Variants in PTPRU observed in about 807,000 individuals in gnomAD.
The protein encoded by PTPRU is protein tyrosine phosphatase receptor type U.
PTPRU carries 69 observed loss-of-function variants against 166.3 expected under a neutral mutation model. The observed-to-expected ratio is 0.41, with a 90% CI of 0.34 to 0.51. PTPRU has a LOEUF of 0.51. PTPRU is among the 20% of genes least tolerant of loss of function. The probability of loss-of-function intolerance (pLI) is 0.09; values close to 1 mark genes in which losing one functional copy is unlikely to be tolerated. For synonymous variants in PTPRU, 793 were observed against 814.0 expected (o/e 0.97, Z 0.44); for missense variants, 1,657 against 2,013.7 (o/e 0.82, Z 3.39).
At chr1:29,302,318 T>G (rs950661456) in intron 15 of PTPRU, among the ~76,000 whole-genome samples, 1 of 152,192 alleles carries the variant, frequency 6.6e-6, no homozygotes, top group African/African-American at 2.4e-5. Context: ...AAATTCAAAT[T>G]AAAACATTTC....
intron 1 of PTPRU, among the ~76,000 whole-genome samples, chr1:29,241,579 TTTTCTTC>T (rs1684057100): frequency 6.7e-6 from 1 of 149,280 alleles, no homozygotes; most frequent in Non-Finnish European, 1.5e-5. Context: ...TATTTTTTTT[TTTTCTTC>T]TTCTTCTTCT....
intron 25 of PTPRU, among the ~76,000 whole-genome samples, chr1:29,318,728 C>A (rs1344276418): frequency 1.3e-5 from 2 of 152,210 alleles, no homozygotes; most frequent in Non-Finnish European, 2.9e-5. Flanking sequence ...CAGGGACTGG[C>A]CTTTACTGGC....
At chr1:29,251,835 C>T (rs1192840264) in intron 1 of PTPRU, among the ~76,000 whole-genome samples, 1 of 152,170 alleles carries the variant, frequency 6.6e-6, no homozygotes, top group Non-Finnish European at 1.5e-5. Flanking sequence ...TCTGGCAACC[C>T]CTCTACCTCA....
intron 1 of PTPRU, among the ~76,000 whole-genome samples, chr1:29,248,247 C>T (rs1247071248): frequency 6.6e-6 from 1 of 151,978 alleles, no homozygotes; most frequent in African/African-American, 2.4e-5. Flanking sequence ...TGACCTCAGG[C>T]AGGGAGGAGG....
chr1:29,245,303 T>C (rs1259722447), intron 1 of PTPRU, among the ~76,000 whole-genome samples: 1 of 151,852 alleles, frequency 6.6e-6, no homozygotes, highest in African/African-American at 2.4e-5. Flanking sequence ...GTCACTGGGG[T>C]GGAAGATGTT....
At chr1:29,293,082 C>T (rs994081515) in intron 15 of PTPRU, among the ~76,000 whole-genome samples, 1 of 152,144 alleles carries the variant, frequency 6.6e-6, no homozygotes, top group East Asian at 1.9e-4. Context: ...AGGGTTGGAG[C>T]AATTCTCCTG....
At position 29,250,804 on chromosome 1, in the gene PTPRU, G is replaced by A. The variant is rs565985488; in HGVS notation, c.74-4471G>A. ...TCCTAGCTGACCATTCCCATCTCAAGGGACCAGGGGAAGGGGTGAGGGTGG... is the reference window on the plus strand; with the variant it reads ...TCCTAGCTGACCATTCCCATCTCAAAGGACCAGGGGAAGGGGTGAGGGTGG... On this transcript the variant is annotated intron_variant, in intron 1 of 29. Transcript: ENST00000373779. Among the ~76,000 whole-genome samples, 5 of 152,340 alleles carry A rather than the reference G, an allele frequency of 3.3e-5. No individual in the cohort carries two copies. The East Asian group carries it at 9.7e-4, about 29-fold the overall frequency.
intron 1 of PTPRU, among the ~76,000 whole-genome samples, chr1:29,240,129 T>G (rs1574588927): frequency 6.6e-6 from 1 of 152,316 alleles, no homozygotes; most frequent in East Asian, 1.9e-4. Flanking sequence ...TAACTCCAGC[T>G]TTTTGCTGGT....
At chr1:29,249,475 C>CT (rs562198854) in intron 1 of PTPRU, among the ~76,000 whole-genome samples, 34 of 152,366 alleles carry the variant, frequency 2.2e-4, no homozygotes, top group African/African-American at 7.7e-4. Context: ...AATTCACCCT[C>CT]TCAGGGAGGC....
At chr1:29,259,751 G>A in intron 5 of PTPRU, 119 bp from the exon 6 acceptor site, 1 of 1,326,878 alleles carries the variant, frequency 7.5e-7, no homozygotes, top group South Asian at 1.5e-5. Flanking sequence ...TTAGAGCGCG[G>A]CTCCAGGAAC....
chr1:29,286,022 A>G (rs1293837260), intron 14 of PTPRU, among the ~76,000 whole-genome samples: 1 of 152,212 alleles, frequency 6.6e-6, no homozygotes, highest in Non-Finnish European at 1.5e-5. Flanking sequence ...CTGGGCATAC[A>G]TGGATGAGTT....
chr1:29,325,194 C>A lies in PTPRU; in HGVS notation c.4116C>A (p.Asn1372Lys). The A allele has an allele frequency of 1.2e-6, 2 of 1,614,122 alleles. No homozygotes were observed. Among genetic ancestry groups the A allele is most frequent in the Non-Finnish European group, 1.7e-6 (2 of 1,179,978 alleles). The change falls in exon 29 of 30, where the codon AAC (asparagine) becomes AAA (lysine). Residue 1372 changes from asparagine to lysine, a missense_variant. This residue lies in a region of PTPRU where 1,190 missense variants were observed against 1,477.4 expected (regional missense o/e 0.81). Transcript: ENST00000373779. ...GDGRTIVHCL[N>K]GGGRSGTFCA... is the part of the protein sequence containing the mutation. The stretch of plus-strand genomic sequence containing the variant: ...AGCTTTTGCATCTCTCATTCAGAAA[C>A]GGGGGAGGACGCAGCGGCACCTTCT...
intron 1 of PTPRU, among the ~76,000 whole-genome samples, chr1:29,245,850 G>A (rs778834439): frequency 6.6e-6 from 1 of 152,224 alleles, no homozygotes; most frequent in Non-Finnish European, 1.5e-5. Context: ...TTGCATGTTT[G>A]TGTCATAGAG....
chr1:29,325,543 A>G (rs1449740105), intron 29 of PTPRU, 56 bp from the exon 30 acceptor site: 5 of 1,557,986 alleles, frequency 3.2e-6, no homozygotes, highest in Non-Finnish European at 4.4e-6. Context: ...CCCTCCCCCC[A>G]CAATACTGGA....
intron 28 of PTPRU, 75 bp downstream of exon 28, chr1:29,323,863 C>G: frequency 6.5e-7 from 1 of 1,529,288 alleles, no homozygotes. Context: ...TGAAAGGGTG[C>G]CAGCTTTGGC....
At chr1:29,273,647 C>T (rs1685671803) in intron 7 of PTPRU, among the ~76,000 whole-genome samples, 2 of 152,210 alleles carry the variant, frequency 1.3e-5, no homozygotes, top group African/African-American at 4.8e-5. Flanking sequence ...CAGCGATTCT[C>T]CTGCCTGGGC....
chr1:29,259,585 T>TTTGGG, intron 5 of PTPRU, 21 bp downstream of exon 5: 3 of 360,780 alleles, frequency 8.3e-6, no homozygotes, highest in Non-Finnish European at 1.1e-5. Context: ...GCGGTGATCT[T>TTTGGG]GGCTGGGGGC....
intron 2 of PTPRU, among the ~76,000 whole-genome samples, chr1:29,255,814 G>A (rs1325699263): frequency 6.6e-6 from 1 of 152,144 alleles, no homozygotes; most frequent in Non-Finnish European, 1.5e-5. Context: ...AGTAACACTG[G>A]GACTAGATGT....
Position 29,326,090 on chromosome 1 carries a change from G to T in PTPRU, c.*429G>T. On this transcript the variant is annotated 3_prime_UTR_variant, in exon 30 of 30. Transcript: ENST00000373779. Reference sequence around the variant, plus strand: ...ACTCAGCCTGCCCCCTCTGCATGTGGGTAGAGGATGTACTGGGACTTGGCA... The same window carrying T: ...ACTCAGCCTGCCCCCTCTGCATGTGTGTAGAGGATGTACTGGGACTTGGCA... The T allele has an allele frequency of 2.5e-6, 1 of 397,876 alleles. No individual in the cohort carries two copies. The highest frequency in any genetic ancestry group is 4.4e-6 in the Non-Finnish European group (1 of 226,364). The allele number at this position is 397,876 out of a possible 1,614,324, so 24.6% of individuals were successfully genotyped here.
Sources: gnomAD v4.1 joint callset for allele counts (sites outside exome capture counted in the v4.1 genomes callset) on GRCh38, gnomAD v4.1.1 for gene constraint, gnomAD v4.1.1 regional missense constraint, MANE v1.5 for transcripts, NCBI Gene and HGNC (gene_info 2026-07-23, HGNC 2026-07-21) for gene names.